POLR1E: variants seen among roughly 807,000 people sequenced by gnomAD.
The protein encoded by POLR1E is DNA-directed RNA polymerase I subunit RPA49.
POLR1E carries 37 observed loss-of-function variants against 50.9 expected under a neutral mutation model. That is an observed-to-expected ratio of 0.73 (90% CI 0.56 to 0.96). POLR1E has a LOEUF of 0.96. POLR1E is among the 40% of genes least tolerant of loss of function. The probability of loss-of-function intolerance (pLI) is 0.00; values close to 1 mark genes in which losing one functional copy is unlikely to be tolerated. For missense variants in POLR1E, 426 were observed against 518.1 expected (o/e 0.82, Z 1.73); for synonymous variants, 166 against 191.6 (o/e 0.87, Z 1.10).
At chr9:37,501,014 C>A in intron 10 of POLR1E, 93 bp downstream of exon 10, 1 of 1,229,470 alleles carries the variant, frequency 8.1e-7, no homozygotes, top group Admixed American at 2.0e-5. Flanking sequence ...ATTCCATGTC[C>A]ACGGAGATGC....
chr9:37,501,418 C>A (rs2296776), intron 10 of POLR1E, among the ~76,000 whole-genome samples: 32,783 of 152,164 alleles, frequency 0.22, 3,704 homozygotes, highest in East Asian at 0.26. Flanking sequence ...GCTGGGCAGG[C>A]GGGGACAGAC....
rs1820841432 is a variant in POLR1E, at chr9:37,499,537, TTTTG to T, written c.887-1299_887-1296del. Among the ~76,000 whole-genome samples the T allele has an allele frequency of 5.9e-5, 9 of 151,700 alleles. No individual in the cohort carries two copies. In the South Asian group the frequency reaches 1.9e-3, roughly 32 times the overall value. Reference sequence around the variant, plus strand: ...TTGTTGTTTTTTTGTTTTGTTTTTGTTTTGTTTTTTTTGAGACAGTATCTCGCTC... The same window carrying T: ...TTGTTGTTTTTTTGTTTTGTTTTTGTTTTTTTTTGAGACAGTATCTCGCTC... On this transcript the variant is annotated intron_variant, in intron 9 of 11. Transcript: ENST00000377798.
Position 37,495,908 on chromosome 9 carries a change from A to G in POLR1E, c.674A>G (p.Tyr225Cys), listed in dbSNP as rs772665721. 2.2e-5 allele frequency: 36 copies of G among 1,613,558 alleles called. No individual in the cohort carries two copies. Among genetic ancestry groups the G allele is most frequent in the South Asian group, 1.8e-4 (16 of 91,068 alleles). ...KFEDLLSPAE[Y>C]EALQSPSEAF... is the part of the protein sequence containing the mutation. ...TAACTAGTTCTTTCCCCTGCGGAGT[A>G]TGAAGCTCTTCAGAGCCCATCTGAA... The change falls in exon 8 of 12, where the codon TAT becomes TGT. Residue 225 changes from tyrosine to cysteine, a missense_variant. Coordinates refer to ENST00000377798, the MANE Select transcript of POLR1E (RefSeq NM_022490.4).
intron 11 of POLR1E, 68 bp from the exon 12 acceptor site, chr9:37,502,975 T>C: frequency 2.1e-6 from 3 of 1,462,748 alleles, no homozygotes; most frequent in Non-Finnish European, 2.8e-6. Flanking sequence ...GCTGCTACCT[T>C]TTGCCAAACC....
intron 6 of POLR1E, 31 bp downstream of exon 6, chr9:37,493,734 G>A (rs745850356): frequency 2.1e-6 from 3 of 1,445,362 alleles, no homozygotes; most frequent in African/African-American, 2.9e-5. Context: ...CTAAGAGTCT[G>A]CCCATAATGA....
Position 37,487,926 on chromosome 9 carries a change from A to G in POLR1E, c.244A>G (p.Asn82Asp). ...TTTTGGGACTGGAGCCCTCAAATGC[A>G]ACACTTTGTGCAGGTAATGGCAGGG... ...NNFGTGALKC[N>D]TLCRHFVGIL... Residue 82 changes from asparagine (N) to aspartate (D), a missense_variant, in exon 3 of 12, where the codon AAC becomes GAC. Asn to Asp is a conservative substitution (Grantham distance 23). Coordinates refer to ENST00000377798, the MANE Select transcript of POLR1E (RefSeq NM_022490.4). 1 of 1,614,152 alleles carries G rather than the reference A, an allele frequency of 6.2e-7. No individual in the cohort carries two copies. Among genetic ancestry groups the G allele is most frequent in the Non-Finnish European group, 8.5e-7 (1 of 1,180,004 alleles).
chr9:37,499,755 C>T (rs1820846404), intron 9 of POLR1E, among the ~76,000 whole-genome samples: 1 of 151,778 alleles, frequency 6.6e-6, no homozygotes, highest in African/African-American at 2.4e-5. Flanking sequence ...TCTCGAACAC[C>T]TGACCTCAGG....
At chr9:37,496,945 T>A (rs185724997) in intron 8 of POLR1E, among the ~76,000 whole-genome samples, 34 of 152,368 alleles carry the variant, frequency 2.2e-4, no homozygotes, top group African/African-American at 8.2e-4. Context: ...TGCCAAGCAC[T>A]GTTCTAAGAG....
In POLR1E at chr9:37,486,761, G is replaced by A. The variant is rs557815049; in HGVS notation, c.135G>A (p.Glu45=). 7.6e-5 allele frequency: 122 copies of A among 1,614,082 alleles called. 1 individual carries two copies. The South Asian group carries it at 1.2e-3, about 16-fold the overall frequency. The change falls in exon 2 of 12, where the codon GAG becomes GAA. Residue 45 remains glutamate, a synonymous_variant. Coordinates refer to ENST00000377798, the MANE Select transcript of POLR1E (RefSeq NM_022490.4). ...SPGNMRFTLY[E]NKDSTNPRKR... ...GCAACATGCGCTTTACCTTGTATGA[G>A]AACAAAGATTCCACCAACCCCAGGA... is the stretch of plus-strand genomic sequence containing the variant.
At chr9:37,493,911 CAGGG>C (rs1364618717) in intron 6 of POLR1E, among the ~76,000 whole-genome samples, 3 of 152,174 alleles carry the variant, frequency 2.0e-5, no homozygotes, top group Non-Finnish European at 2.9e-5. Flanking sequence ...CAGTCAAGTA[CAGGG>C]ACAGGCATGG....
At chr9:37,486,388 C>A in intron 1 of POLR1E, 1 of 1,503,896 alleles carries the variant, frequency 6.6e-7, no homozygotes, top group Non-Finnish European at 8.9e-7. Context: ...GGTCTCCCGC[C>A]TCCCCCATTT....
In POLR1E at chr9:37,501,787, A is replaced by G. The variant is rs1483856181; in HGVS notation, c.1043A>G (p.His348Arg). The G allele has an allele frequency of 4.3e-6, 7 of 1,613,974 alleles. No homozygotes were observed. Among genetic ancestry groups the G allele is most frequent in the Admixed American group, 3.3e-5 (2 of 60,004 alleles). Reference sequence around the variant, plus strand: ...GTGATCATACTTGCCTTGCACATACATGACTTCCAAATTGACCTGACAGTG... The same window carrying G: ...GTGATCATACTTGCCTTGCACATACGTGACTTCCAAATTGACCTGACAGTG... ...AYVIILALHI[H>R]DFQIDLTVLQ... The change falls in exon 11 of 12, where the codon CAT becomes CGT. Residue 348 changes from histidine (H) to arginine (R), a missense_variant. Physicochemically the swap from His to Arg is conservative, Grantham distance 29. Transcript: ENST00000377798.
chr9:37,496,765 G>A (rs1458185370), intron 8 of POLR1E, among the ~76,000 whole-genome samples: 3 of 151,784 alleles, frequency 2.0e-5, no homozygotes, highest in African/African-American at 4.8e-5. Flanking sequence ...CTGAGTCCCC[G>A]AACTCTGCCC....
chr9:37,497,971 A>G (rs1820813221), intron 8 of POLR1E, 120 bp from the exon 9 acceptor site: 2 of 1,175,202 alleles, frequency 1.7e-6, no homozygotes, highest in South Asian at 1.6e-5. Context: ...CCAGGGTTTC[A>G]TCAGCTGTTG....
At chr9:37,487,348 T>TG (rs1820595433) in intron 2 of POLR1E, among the ~76,000 whole-genome samples, 1 of 152,102 alleles carries the variant, frequency 6.6e-6, no homozygotes, top group Non-Finnish European at 1.5e-5. Flanking sequence ...ATGCCTTCCT[T>TG]GGTGAGGTCA....
At chr9:37,502,757 G>T (rs985361256) in intron 11 of POLR1E, among the ~76,000 whole-genome samples, 2 of 152,304 alleles carry the variant, frequency 1.3e-5, no homozygotes, top group East Asian at 3.9e-4. Flanking sequence ...CTAAAAGTTT[G>T]GTTATGGGAG....
At chr9:37,487,185 A>G (rs1820592501) in intron 2 of POLR1E, among the ~76,000 whole-genome samples, 1 of 152,218 alleles carries the variant, frequency 6.6e-6, no homozygotes, top group Admixed American at 6.5e-5. Flanking sequence ...ATTAGATGCC[A>G]GTAGCACCAG....
At chr9:37,497,353 TCAAACAAA>T (rs113786057) in intron 8 of POLR1E, among the ~76,000 whole-genome samples, 11 of 152,192 alleles carry the variant, frequency 7.2e-5, no homozygotes, top group South Asian at 6.2e-4. Flanking sequence ...AGACTCAGTC[TCAAACAAA>T]CAAACAAACA....
At chr9:37,502,245 G>A (rs140881805) in intron 11 of POLR1E, among the ~76,000 whole-genome samples, 1 of 152,350 alleles carries the variant, frequency 6.6e-6, no homozygotes, top group Non-Finnish European at 1.5e-5. Flanking sequence ...GAGGGATTCT[G>A]TATGGTTCTG....
Sources: gnomAD v4.1 joint callset for allele counts (sites outside exome capture counted in the v4.1 genomes callset) on GRCh38, gnomAD v4.1.1 for gene constraint, MANE v1.5 for transcripts, NCBI Gene and HGNC (gene_info 2026-07-23, HGNC 2026-07-21) for gene names.